Variants in MSH3 observed in about 807,000 individuals in gnomAD.
MSH3 encodes the protein mutS homolog 3.
Under a neutral mutation model 123.3 loss-of-function variants are expected in MSH3, and 106 were observed. The ratio of observed to expected loss-of-function variants is 0.86; its 90% CI spans 0.73 to 1.01. The LOEUF (loss-of-function observed/expected upper bound fraction) is 1.01, where lower values mean the gene tolerates loss of function less well. MSH3 is among the 50% of genes least tolerant of loss of function. The probability of loss-of-function intolerance (pLI) is 0.00; values close to 1 mark genes in which losing one functional copy is unlikely to be tolerated. For synonymous variants in MSH3, 515 were observed against 481.4 expected, an observed-to-expected ratio of 1.07 and a Z score of -0.91; for missense variants, 1,459 against 1,347.6, an observed-to-expected ratio of 1.08 and a Z score of -1.29.
At chr5:80,777,831 A>G (rs943762414) in intron 16 of MSH3, among the ~76,000 whole-genome samples, 1 of 152,178 alleles carries the variant, frequency 6.6e-6, no homozygotes, top group Non-Finnish European at 1.5e-5. Flanking sequence ...CTTCTTGAAG[A>G]TTTATCATCA....
chr5:80,693,070 C>T, intron 8 of MSH3, among the ~76,000 whole-genome samples: 1 of 127,510 alleles, frequency 7.8e-6, no homozygotes, highest in Non-Finnish European at 1.7e-5. Context: ...AATATACATG[C>T]ACATGTATAT....
intron 12 of MSH3, among the ~76,000 whole-genome samples, chr5:80,758,587 C>T (rs1340110217): frequency 2.0e-5 from 3 of 152,162 alleles, no homozygotes; most frequent in Non-Finnish European, 4.4e-5. Flanking sequence ...TGGGTTAAAA[C>T]CAAACTGATT....
chr5:80,792,640 A>T lies in MSH3; in HGVS notation c.2544-93A>T. 9.9e-6 allele frequency: 7 copies of T among 705,582 alleles called. No homozygotes were observed. In the East Asian group the frequency reaches 2.0e-4, roughly 20 times the overall value. The allele number at this position is 705,582 out of a possible 1,614,324, so 43.7% of individuals were successfully genotyped here. On this transcript the variant is annotated intron_variant, in intron 18 of 23. Transcript: ENST00000265081. ...TTAAAGTTTTGTTTTCTGTCGTACA[A>T]ACAGAGTACTGAAATTTTTCATGCT...
chr5:80,751,888 T>C (rs774261307), intron 12 of MSH3, among the ~76,000 whole-genome samples: 2 of 152,152 alleles, frequency 1.3e-5, no homozygotes, highest in Non-Finnish European at 2.9e-5. Context: ...ATTATACCCA[T>C]CTCTTTACTA....
rs368729300 is a variant in MSH3, at chr5:80,761,622, C to T, written c.1840C>T (p.His614Tyr). 1 of 1,614,038 alleles carries T rather than the reference C, an allele frequency of 6.2e-7. No homozygotes were observed. Among genetic ancestry groups the T allele is most frequent in the Non-Finnish European group, 8.5e-7 (1 of 1,179,952 alleles). ...TAGTGTGTTTGGTCAGATAGAAAAT[C>T]ATCTACGTAAATTGCCCGACATAGA... ...ESSVFGQIEN[H>Y]LRKLPDIERG... The change falls in exon 13 of 24, where the codon CAT (histidine) becomes TAT (tyrosine). Residue 614 changes from histidine (H) to tyrosine (Y), a missense_variant. His to Tyr is a moderately conservative substitution (Grantham distance 83). Transcript: ENST00000265081.
chr5:80,752,375 C>CT lies in MSH3; in HGVS notation c.1763+7763dup, dbSNP rs1374093745. 1.3e-5 allele frequency among the ~76,000 whole-genome samples: 2 copies of CT among 151,814 alleles called. 1 individual carries two copies. Among genetic ancestry groups the CT allele is most frequent in the African/African-American group, 4.8e-5 (2 of 41,344 alleles). ...TCTAGTGAACTAATCTCTAACTGTG[C>CT]TTTATTTTTTATCTGTATTTTTTTC... On this transcript the variant is annotated intron_variant, in intron 12 of 23. Coordinates refer to ENST00000265081, the MANE Select transcript of MSH3 (RefSeq NM_002439.5).
intron 20 of MSH3, among the ~76,000 whole-genome samples, chr5:80,833,422 A>G (rs1405178147): frequency 2.0e-5 from 3 of 152,162 alleles, no homozygotes; most frequent in Admixed American, 1.3e-4. Context: ...TGATTTAATA[A>G]AAACTATAAA....
intron 8 of MSH3, among the ~76,000 whole-genome samples, chr5:80,712,597 GT>G (rs1050343330): frequency 6.6e-6 from 1 of 151,806 alleles, no homozygotes; most frequent in South Asian, 2.1e-4. Context: ...GAATTTTGGG[GT>G]TTTTTTCCCC....
chr5:80,826,026 G>C (rs955510897), intron 20 of MSH3, among the ~76,000 whole-genome samples: 16 of 152,312 alleles, frequency 1.1e-4, no homozygotes, highest in African/African-American at 3.1e-4. Flanking sequence ...TCAAGGCTCA[G>C]GTGTGGAAAC....
chr5:80,657,314 G>A (rs1749315911), intron 2 of MSH3, among the ~76,000 whole-genome samples: 1 of 152,134 alleles, frequency 6.6e-6, no homozygotes, highest in African/African-American at 2.4e-5. Flanking sequence ...GCTGGTAGTT[G>A]CCTGTAATCC....
intron 10 of MSH3, among the ~76,000 whole-genome samples, chr5:80,735,187 C>T (rs1743482154): frequency 6.6e-6 from 1 of 152,036 alleles, no homozygotes; most frequent in South Asian, 2.1e-4. Context: ...AATTCGAGAC[C>T]AGCCTTGCCA....
intron 20 of MSH3, among the ~76,000 whole-genome samples, chr5:80,823,841 C>T (rs1349001143): frequency 1.3e-5 from 2 of 152,112 alleles, no homozygotes; most frequent in African/African-American, 2.4e-5. Flanking sequence ...GAGGACCCTG[C>T]GGCCTTCCGC....
intron 1 of MSH3, chr5:80,655,213 A>C (rs6151599): frequency 5.6e-6 from 2 of 357,676 alleles, no homozygotes; most frequent in Non-Finnish European, 1.0e-5. Flanking sequence ...CTGAGACAGG[A>C]ACTCAGGTCT....
intron 20 of MSH3, among the ~76,000 whole-genome samples, chr5:80,819,685 C>T (rs1349091284): frequency 6.6e-6 from 1 of 151,908 alleles, no homozygotes; most frequent in Admixed American, 6.6e-5. Flanking sequence ...GGGGGTTTCG[C>T]CATGTTGGCC....
intron 8 of MSH3, among the ~76,000 whole-genome samples, chr5:80,719,775 T>G (rs527846618): frequency 6.6e-6 from 1 of 152,248 alleles, no homozygotes; most frequent in African/African-American, 2.4e-5. Context: ...CAAACAAATA[T>G]GTATTACATG....
At chr5:80,800,651 T>C (rs1216225361) in intron 19 of MSH3, among the ~76,000 whole-genome samples, 3 of 152,162 alleles carry the variant, frequency 2.0e-5, no homozygotes, top group Non-Finnish European at 4.4e-5. Context: ...AGAAAGCAAA[T>C]GATTGTTTTT....
intron 12 of MSH3, among the ~76,000 whole-genome samples, chr5:80,751,866 A>G (rs1224633565): frequency 6.6e-6 from 1 of 152,102 alleles, no homozygotes; most frequent in African/African-American, 2.4e-5. Flanking sequence ...TCCTTTTGGC[A>G]CACATAGACT....
chr5:80,771,936 A>C (rs1744218890), intron 15 of MSH3, among the ~76,000 whole-genome samples: 2 of 152,214 alleles, frequency 1.3e-5, no homozygotes. Flanking sequence ...TTATGTAATA[A>C]TGTACATACA....
chr5:80,764,066 A>G lies in MSH3; in HGVS notation c.1896+2388A>G, dbSNP rs185103119. On this transcript the variant is annotated intron_variant, in intron 13 of 23. Transcript: ENST00000265081. ...CAGGAAAGCTGAATGCTTTAAACCAATGTTTTATAGATTAGTTGGCTGGCT... is the reference window on the plus strand; with the variant it reads ...CAGGAAAGCTGAATGCTTTAAACCAGTGTTTTATAGATTAGTTGGCTGGCT... 3.2e-3 allele frequency among the ~76,000 whole-genome samples: 480 copies of G among 152,328 alleles called. 5 individuals carry two copies. The highest frequency in any genetic ancestry group is 7.4e-3 in the African/African-American group (307 of 41,566).
Sources: gnomAD v4.1 joint callset for allele counts (sites outside exome capture counted in the v4.1 genomes callset) on GRCh38, gnomAD v4.1.1 for gene constraint, MANE v1.5 for transcripts, NCBI Gene and HGNC (gene_info 2026-07-23, HGNC 2026-07-21) for gene names.